The following EXOC6B variants were observed in gnomAD, a reference collection of about 807,000 sequenced individuals.
EXOC6B encodes exocyst complex component 6B.
EXOC6B carries 54 observed loss-of-function variants against 113.5 expected under a neutral mutation model. The observed-to-expected ratio is 0.48, with a 90% CI of 0.38 to 0.60. The LOEUF (loss-of-function observed/expected upper bound fraction) is 0.60, where lower values mean the gene tolerates loss of function less well. EXOC6B is among the 20% of genes least tolerant of loss of function. The probability of loss-of-function intolerance (pLI) is 0.00; values close to 1 mark genes in which losing one functional copy is unlikely to be tolerated. For synonymous variants in EXOC6B, 357 were observed against 339.0 expected, an observed-to-expected ratio of 1.05 and a Z score of -0.58; for missense variants, 797 against 977.5, an observed-to-expected ratio of 0.82 and a Z score of 2.46.
intron 6 of EXOC6B, among the ~76,000 whole-genome samples, chr2:72,680,921 T>G (rs1465401551): frequency 1.3e-5 from 2 of 152,156 alleles, no homozygotes; most frequent in East Asian, 3.9e-4. Flanking sequence ...GGTTCTTTAG[T>G]TAGAGGTTTA....
chr2:72,204,311 T>C (rs1457540510), intron 20 of EXOC6B, among the ~76,000 whole-genome samples: 1 of 152,138 alleles, frequency 6.6e-6, no homozygotes, highest in East Asian at 1.9e-4. Context: ...CCCCGCCCTC[T>C]GGCTCCTTGA....
chr2:72,486,318 G>A (rs1374586266), intron 16 of EXOC6B, among the ~76,000 whole-genome samples: 1 of 151,280 alleles, frequency 6.6e-6, no homozygotes, highest in African/African-American at 2.4e-5. Context: ...GCACTGAACC[G>A]AGATCAGGCC....
intron 6 of EXOC6B, among the ~76,000 whole-genome samples, chr2:72,660,998 C>A (rs1674972246): frequency 1.3e-5 from 2 of 152,048 alleles, no homozygotes; most frequent in Non-Finnish European, 2.9e-5. Context: ...TTCTCTATCT[C>A]ACCATAGCCC....
intron 6 of EXOC6B, among the ~76,000 whole-genome samples, chr2:72,695,665 C>A (rs566319409): frequency 6.6e-6 from 1 of 152,066 alleles, no homozygotes; most frequent in African/African-American, 2.4e-5. Context: ...AACACAGACA[C>A]CCACATAGAC....
intron 20 of EXOC6B, among the ~76,000 whole-genome samples, chr2:72,197,818 T>C (rs928407160): frequency 1.3e-5 from 2 of 152,180 alleles, no homozygotes; most frequent in African/African-American, 4.8e-5. Flanking sequence ...ATCAGGCAGA[T>C]GAAATATGAT....
At chr2:72,223,879 C>T (rs1681034812) in intron 20 of EXOC6B, among the ~76,000 whole-genome samples, 1 of 152,142 alleles carries the variant, frequency 6.6e-6, no homozygotes, top group African/African-American at 2.4e-5. Context: ...TCTGTCTTTT[C>T]CCAGCTAGTT....
At chr2:72,522,540 A>C (rs1238589504) in intron 8 of EXOC6B, among the ~76,000 whole-genome samples, 1 of 152,226 alleles carries the variant, frequency 6.6e-6, no homozygotes, top group Non-Finnish European at 1.5e-5. Flanking sequence ...ATTGGGCAAA[A>C]AGAAAAAATG....
chr2:72,480,227 G>A (rs1345405865), intron 17 of EXOC6B, among the ~76,000 whole-genome samples: 1 of 151,904 alleles, frequency 6.6e-6, no homozygotes, highest in East Asian at 1.9e-4. Flanking sequence ...TTGGTCACAG[G>A]ATACAGAGAG....
intron 17 of EXOC6B, 42 bp from the exon 18 acceptor site, chr2:72,465,381 A>G (rs919374476): frequency 1.6e-5 from 24 of 1,479,540 alleles, no homozygotes; most frequent in Middle Eastern, 1.7e-4. Flanking sequence ...TCAGATTTCA[A>G]TATGGGCAGA....
At chr2:72,705,530 C>G (rs1678792909) in intron 6 of EXOC6B, among the ~76,000 whole-genome samples, 2 of 152,178 alleles carry the variant, frequency 1.3e-5, no homozygotes, top group South Asian at 4.1e-4. Flanking sequence ...TCCATTATCA[C>G]TGTTCTGTTC....
chr2:72,620,509 A>T (rs538882427), intron 6 of EXOC6B, among the ~76,000 whole-genome samples: 7 of 151,652 alleles, frequency 4.6e-5, no homozygotes, highest in African/African-American at 7.2e-5. Flanking sequence ...TTTTAAATTT[A>T]AATTTTAAAT....
intron 8 of EXOC6B, chr2:72,515,377 C>T (rs560003108): frequency 8.7e-7 from 1 of 1,145,312 alleles, no homozygotes; most frequent in East Asian, 3.5e-5. Flanking sequence ...ATCACCAGCA[C>T]ACCAAAGCTG....
chr2:72,620,233 A>G lies in EXOC6B; in HGVS notation c.670-44565T>C, dbSNP rs753578101. Among the ~76,000 whole-genome samples, 149 of 152,260 alleles carry G rather than the reference A, an allele frequency of 9.8e-4. 1 individual carries two copies. The highest frequency in any genetic ancestry group is 1.9e-3 in the Non-Finnish European group (128 of 67,998). On this transcript the variant is annotated intron_variant, in intron 6 of 21. Coordinates refer to ENST00000272427, the MANE Select transcript of EXOC6B (RefSeq NM_015189.3). The stretch of plus-strand genomic sequence containing the variant: ...CCCAGTGACCCAGGAGCCACAACAG[A>G]TCCTCCAGCCCAGCTGGAACCCGAC...
chr2:72,307,773 A>C (rs761790948), intron 20 of EXOC6B, among the ~76,000 whole-genome samples: 2 of 152,194 alleles, frequency 1.3e-5, no homozygotes, highest in Admixed American at 6.5e-5. Flanking sequence ...ACTGTATATA[A>C]TGTTTCCCTA....
At chr2:72,404,646 TC>T (rs1693597675) in intron 18 of EXOC6B, among the ~76,000 whole-genome samples, 1 of 151,950 alleles carries the variant, frequency 6.6e-6, no homozygotes, top group Non-Finnish European at 1.5e-5. Context: ...CAGCTGAGGG[TC>T]CCGACTGTTA....
chr2:72,442,274 G>A (rs777797192), intron 18 of EXOC6B, among the ~76,000 whole-genome samples: 7 of 152,096 alleles, frequency 4.6e-5, no homozygotes, highest in East Asian at 1.9e-4. Context: ...ACCCATGTAC[G>A]ACAAACTCAC....
chr2:72,323,825 G>C (rs1386080621), intron 20 of EXOC6B, among the ~76,000 whole-genome samples: 2 of 151,406 alleles, frequency 1.3e-5, no homozygotes, highest in African/African-American at 4.9e-5. Flanking sequence ...TCACACACCA[G>C]GGCCTGTTGG....
At chr2:72,405,682 T>G (rs968417962) in intron 18 of EXOC6B, among the ~76,000 whole-genome samples, 3 of 152,142 alleles carry the variant, frequency 2.0e-5, no homozygotes, top group African/African-American at 4.8e-5. Flanking sequence ...AGGCCTGCCC[T>G]ACAAGAGCTC....
At chr2:72,786,857 G>A (rs1296933805) in intron 1 of EXOC6B, among the ~76,000 whole-genome samples, 2 of 152,130 alleles carry the variant, frequency 1.3e-5, no homozygotes, top group South Asian at 2.1e-4. Context: ...AAACAGAGAC[G>A]CTAGTAAGGA....
Sources: allele counts gnomAD v4.1 joint callset (sites outside exome capture counted in the v4.1 genomes callset), GRCh38; gene constraint gnomAD v4.1.1; transcripts MANE v1.5; gene names NCBI Gene and HGNC (gene_info 2026-07-23, HGNC 2026-07-21).